Variants in PDE1C observed in about 807,000 individuals in gnomAD.
The protein encoded by PDE1C is dual specificity calcium/calmodulin-dependent 3',5'-cyclic nucleotide phosphodiesterase 1C.
In PDE1C, 62 loss-of-function variants were observed where a neutral mutation model predicts 93.1. The ratio of observed to expected loss-of-function variants is 0.67; its 90% CI spans 0.54 to 0.82. The LOEUF (loss-of-function observed/expected upper bound fraction) is 0.82. PDE1C is among the 40% of genes least tolerant of loss of function. The pLI is 0.00. For synonymous variants in PDE1C, 325 were observed against 310.1 expected, an observed-to-expected ratio of 1.05 and a Z score of -0.50; for missense variants, 742 against 884.6, an observed-to-expected ratio of 0.84 and a Z score of 2.04.
At chr7:31,728,955 A>G in the PDE1C span, among the ~76,000 whole-genome samples, 1 of 152,250 alleles carries the variant, frequency 6.6e-6, no homozygotes, top group African/African-American at 2.4e-5. Context: ...TTTCCAGTCT[A>G]GAGCCCAGAC....
intron 2 of PDE1C, among the ~76,000 whole-genome samples, chr7:32,046,805 G>T (rs1450654250): frequency 1.3e-5 from 2 of 152,094 alleles, no homozygotes; most frequent in Non-Finnish European, 2.9e-5. Flanking sequence ...TCTAAACAGT[G>T]CTATGATTAA....
At chr7:32,176,596 A>T (rs1803005606) in intron 2 of PDE1C, among the ~76,000 whole-genome samples, 1 of 152,240 alleles carries the variant, frequency 6.6e-6, no homozygotes, top group Non-Finnish European at 1.5e-5. Context: ...TGATATTAGT[A>T]ACATAATTAT....
chr7:32,094,360 T>G (rs1238355936), intron 3 of PDE1C, among the ~76,000 whole-genome samples: 1 of 152,182 alleles, frequency 6.6e-6, no homozygotes, highest in Non-Finnish European at 1.5e-5. Flanking sequence ...GATTATTGAA[T>G]GAGGGAGGAG....
the PDE1C span, among the ~76,000 whole-genome samples, chr7:31,734,290 C>T: frequency 2.6e-4 from 40 of 152,230 alleles, no homozygotes; most frequent in Non-Finnish European, 5.4e-4. Flanking sequence ...AAGGTTAAAG[C>T]GGCTCTAGGG....
At chr7:32,189,966 A>C (rs1804130310) in intron 2 of PDE1C, among the ~76,000 whole-genome samples, 1 of 152,144 alleles carries the variant, frequency 6.6e-6, no homozygotes, top group Non-Finnish European at 1.5e-5. Context: ...GGCTATAGAA[A>C]CCACATTAAA....
intron 2 of PDE1C, among the ~76,000 whole-genome samples, chr7:32,206,036 T>TC (rs1805462121): frequency 6.6e-6 from 1 of 152,150 alleles, no homozygotes; most frequent in Admixed American, 6.5e-5. Flanking sequence ...GCAGTACTGT[T>TC]CTAGGATCAA....
the PDE1C span, chr7:31,642,685 C>T: frequency 6.2e-7 from 1 of 1,612,860 alleles, no homozygotes; most frequent in Non-Finnish European, 8.5e-7. Flanking sequence ...CCTACAGATG[C>T]CTTCCTTGCC....
At chr7:32,380,236 T>C (rs1023092163) in intron 1 of PDE1C, among the ~76,000 whole-genome samples, 2 of 151,912 alleles carry the variant, frequency 1.3e-5, no homozygotes, top group Admixed American at 1.3e-4. Flanking sequence ...CTCTCTCTTT[T>C]TTTTTTATTT....
intron 2 of PDE1C, among the ~76,000 whole-genome samples, chr7:32,188,884 C>T (rs555233021): frequency 5.5e-4 from 83 of 152,234 alleles, no homozygotes; most frequent in African/African-American, 1.7e-3. Context: ...TCTATTTGGG[C>T]ACCATTTACT....
At chr7:31,823,291 TG>T in intron 13 of PDE1C, 43 bp from the exon 14 acceptor site, 3 of 1,550,968 alleles carry the variant, frequency 1.9e-6, no homozygotes, top group Non-Finnish European at 2.6e-6. Flanking sequence ...AGTTAGTGTT[TG>T]GAAAATGTCT....
At chr7:32,012,290 G>A (rs1490755989) in intron 2 of PDE1C, among the ~76,000 whole-genome samples, 1 of 152,118 alleles carries the variant, frequency 6.6e-6, no homozygotes, top group Non-Finnish European at 1.5e-5. Context: ...TGTATCACGT[G>A]GTGGCAAGAG....
At chr7:32,041,185 A>G (rs1222091845) in intron 2 of PDE1C, among the ~76,000 whole-genome samples, 1 of 152,154 alleles carries the variant, frequency 6.6e-6, no homozygotes, top group East Asian at 1.9e-4. Context: ...AGCAAATACT[A>G]TTTCCATTTA....
At chr7:32,078,235 A>G (rs1796464348) in intron 3 of PDE1C, among the ~76,000 whole-genome samples, 1 of 152,200 alleles carries the variant, frequency 6.6e-6, no homozygotes, top group African/African-American at 2.4e-5. Flanking sequence ...ATAAGGAACG[A>G]GCAGCTCAAT....
At chr7:32,032,403 T>C (rs1033952254) in intron 2 of PDE1C, among the ~76,000 whole-genome samples, 1 of 152,096 alleles carries the variant, frequency 6.6e-6, no homozygotes, top group African/African-American at 2.4e-5. Context: ...AGTGTCCCCA[T>C]CTCTCTGCCA....
intron 2 of PDE1C, among the ~76,000 whole-genome samples, chr7:32,034,140 A>G (rs1048987395): frequency 3.9e-5 from 6 of 151,954 alleles, no homozygotes; most frequent in African/African-American, 1.5e-4. Flanking sequence ...TCAAACCAGC[A>G]TACAGCACCT....
At chr7:32,019,445 G>T (rs1210830113) in intron 2 of PDE1C, among the ~76,000 whole-genome samples, 2 of 152,074 alleles carry the variant, frequency 1.3e-5, no homozygotes, top group African/African-American at 4.8e-5. Flanking sequence ...CCTTATAAAG[G>T]CCAGGCATAC....
chr7:31,940,528 A>T (rs933086792), intron 2 of PDE1C, among the ~76,000 whole-genome samples: 3 of 152,304 alleles, frequency 2.0e-5, no homozygotes, highest in Non-Finnish European at 4.4e-5. Flanking sequence ...TTGCTGGCCC[A>T]GGGAAGGGAG....
At chr7:31,860,325 T>C (rs893969055) in intron 7 of PDE1C, among the ~76,000 whole-genome samples, 2 of 152,148 alleles carry the variant, frequency 1.3e-5, no homozygotes, top group African/African-American at 2.4e-5. Context: ...CTACAATGCA[T>C]AGAAAAGCAA....
intron 16 of PDE1C, among the ~76,000 whole-genome samples, chr7:31,798,021 GAT>G (rs1785522352): frequency 6.6e-6 from 1 of 151,486 alleles, no homozygotes; most frequent in South Asian, 2.1e-4. Context: ...CAGATTTCAA[GAT>G]ATTCTACCTT....
Sources: gnomAD v4.1 joint callset for allele counts (sites outside exome capture counted in the v4.1 genomes callset) on GRCh38, gnomAD v4.1.1 for gene constraint, MANE v1.5 for transcripts, NCBI Gene and HGNC (gene_info 2026-07-23, HGNC 2026-07-21) for gene names.